The following OR6M1 variants were observed in gnomAD, a reference collection of about 807,000 sequenced individuals.
OR6M1 encodes the protein olfactory receptor 6M1.
For synonymous variants in OR6M1, 167 were observed against 146.3 expected (o/e 1.14, Z -1.02); for missense variants, 364 against 377.8 (o/e 0.96, Z 0.30).
rs779399563 is a variant in OR6M1 at position 123,805,458 on chromosome 11, A to G, written c.892T>C (p.Leu298=). 1.1e-5 allele frequency: 17 copies of G among 1,613,772 alleles called. No homozygotes were observed. The Middle Eastern group carries it at 9.9e-4, about 94-fold the overall frequency. Residue 298 remains leucine (L), a synonymous_variant, in exon 1 of 1, where the codon TTG becomes CTG. Transcript: ENST00000309154. ...SLRNEKVQEV[L]RETVNRIMTL... Reference sequence around the variant, plus strand: ...ATGATTCTGTTCACTGTCTCTCTCAACACTTCCTGTACCTTCTCATTCCTC... The same window carrying G: ...ATGATTCTGTTCACTGTCTCTCTCAGCACTTCCTGTACCTTCTCATTCCTC...
chr11:123,806,021 A>C lies in OR6M1; in HGVS notation c.329T>G (p.Phe110Cys). 4 of 1,614,030 alleles carry C rather than the reference A, an allele frequency of 2.5e-6. No homozygotes were observed. ...YFYFFLGTVE[F>C]ILLAVMSFDR... ...AAAGGACATCACCGCCAAGAGGATA[A>C]ACTCCACCGTCCCCAGAAAGAAGTA... is the stretch of plus-strand genomic sequence containing the variant. Residue 110 changes from phenylalanine to cysteine, a missense_variant, in exon 1 of 1, where the codon TTT (phenylalanine) becomes TGT (cysteine). Phe to Cys is a radical substitution (Grantham distance 205). Coordinates refer to ENST00000309154, the MANE Select transcript of OR6M1 (RefSeq NM_001005325.1).
rs759908522 is a variant in OR6M1, at chr11:123,805,992, G to A, written c.358C>T (p.Arg120Cys). The change falls in exon 1 of 1, where the codon CGC (arginine) becomes TGC (cysteine). Residue 120 changes from arginine to cysteine, a missense_variant. Transcript: ENST00000309154. ...AGTGGGTCGCAGATAGCCATGTAGC[G>A]GTCAAAGGACATCACCGCCAAGAGG... ...FILLAVMSFDRYMAICDPLHY... is the reference protein window; with the variant it reads ...FILLAVMSFDCYMAICDPLHY... 1.9e-5 allele frequency: 31 copies of A among 1,613,770 alleles called. No individual in the cohort carries two copies. The highest frequency in any genetic ancestry group is 5.5e-5 in the South Asian group (5 of 91,050).
At position 123,805,937 on chromosome 11, in the gene OR6M1, G is replaced by A; in HGVS notation, c.413C>T (p.Ala138Val). 6.2e-7 allele frequency: 1 copy of A among 1,613,702 alleles called. No homozygotes were observed. Among genetic ancestry groups the A allele is most frequent in the South Asian group, 1.1e-5 (1 of 91,004 alleles). ...LHYTVIMNSR[A>V]CLLLVLGCWV... The stretch of plus-strand genomic sequence containing the variant: ...GCATCCCAGAACCAGCAGAAGGCAG[G>A]CCCTGCTGTTCATGATGACCGTGTA... The change falls in exon 1 of 1, where the codon GCC (alanine) becomes GTC (valine). Residue 138 changes from alanine (A) to valine (V), a missense_variant. Physicochemically the swap from Ala to Val is moderately conservative, Grantham distance 64. Transcript: ENST00000309154.
chr11:123,806,112 A>G lies in OR6M1; in HGVS notation c.238T>C (p.Leu80=), dbSNP rs1359672940. 2.5e-6 allele frequency: 4 copies of G among 1,614,178 alleles called. No individual in the cohort carries two copies. In the South Asian group the frequency reaches 3.3e-5, roughly 13 times the overall value. Residue 80 remains leucine, a synonymous_variant, in exon 1 of 1, where the codon TTG becomes CTG. Transcript: ENST00000309154. ...TTCTCTTCTCCTAGGAGGCAGGCCAACAACTTTGGGGTAATGACAGTGGTG... is the reference window on the plus strand; with the variant it reads ...TTCTCTTCTCCTAGGAGGCAGGCCAGCAACTTTGGGGTAATGACAGTGGTG... The part of the protein sequence containing the change: ...LYTTVITPKL[L]ACLLGEEKTI...
rs929644473 is a variant in OR6M1 at position 123,806,078 on chromosome 11, G to C, written c.272C>G (p.Ser91Cys). ...ACLLGEEKTI[S>C]FAGCMIQTYF... is the part of the protein sequence containing the mutation. The stretch of plus-strand genomic sequence containing the variant: ...TGTTTGGATCATGCAACCAGCAAAA[G>C]ATATGGTTTTCTCTTCTCCTAGGAG... The change falls in exon 1 of 1, where the codon TCT becomes TGT. Residue 91 changes from serine to cysteine, a missense_variant. Transcript: ENST00000309154. 1 of 1,614,010 alleles carries C rather than the reference G, an allele frequency of 6.2e-7. No homozygotes were observed. The highest frequency in any genetic ancestry group is 1.7e-5 in the Admixed American group (1 of 59,968).
Position 123,806,086 on chromosome 11 carries a change from T to C in OR6M1, c.264A>G (p.Lys88=). Residue 88 remains lysine (K), a synonymous_variant, in exon 1 of 1, where the codon AAA becomes AAG. Coordinates refer to ENST00000309154, the MANE Select transcript of OR6M1 (RefSeq NM_001005325.1). ...KLLACLLGEE[K]TISFAGCMIQ... ...TCATGCAACCAGCAAAAGATATGGT[T>C]TTCTCTTCTCCTAGGAGGCAGGCCA... 2 of 1,614,118 alleles carry C rather than the reference T, an allele frequency of 1.2e-6. No individual in the cohort carries two copies. The highest frequency in any genetic ancestry group is 1.7e-6 in the Non-Finnish European group (2 of 1,180,018).
Position 123,805,528 on chromosome 11 carries a change from G to A in OR6M1, c.822C>T (p.Leu274=), listed in dbSNP as rs369984333. The part of the protein sequence containing the change: ...SLDYDKVAAV[L]ITVVTPLLNP... ...TCAGGAGAGGGGTCACCACTGTGAT[G>A]AGGACAGCGGCCACCTTGTCATAAT... The change falls in exon 1 of 1, where the codon CTC becomes CTT. Residue 274 remains leucine, a synonymous_variant. Coordinates refer to ENST00000309154, the MANE Select transcript of OR6M1 (RefSeq NM_001005325.1). The A allele has an allele frequency of 6.2e-7, 1 of 1,613,974 alleles. No individual in the cohort carries two copies. The highest frequency in any genetic ancestry group is 1.3e-5 in the African/African-American group (1 of 75,018).
Position 123,805,779 on chromosome 11 carries a change from G to C in OR6M1, c.571C>G (p.Leu191Val). Residue 191 changes from leucine (L) to valine (V), a missense_variant, in exon 1 of 1, where the codon CTC becomes GTC. Physicochemically the swap from Leu to Val is conservative, Grantham distance 32. Transcript: ENST00000309154. ...LLQVACINTH[L>V]IEKINFLLSA... ...AGGAGAAAGTTTATCTTCTCAATGAGGTGAGTATTTATACAGGCCACCTGA... is the reference window on the plus strand; with the variant it reads ...AGGAGAAAGTTTATCTTCTCAATGACGTGAGTATTTATACAGGCCACCTGA... 6.2e-7 allele frequency: 1 copy of C among 1,613,914 alleles called. No homozygotes were observed. The highest frequency in any genetic ancestry group is 1.1e-5 in the South Asian group (1 of 91,068).
chr11:123,806,246 A>G lies in OR6M1; in HGVS notation c.104T>C (p.Leu35Ser). 1 of 1,613,952 alleles carries G rather than the reference A, an allele frequency of 6.2e-7. No individual in the cohort carries two copies. The highest frequency in any genetic ancestry group is 8.5e-7 in the Non-Finnish European group (1 of 1,179,872). Residue 35 changes from leucine to serine, a missense_variant, in exon 1 of 1, where the codon TTA (leucine) becomes TCA (serine). Coordinates refer to ENST00000309154, the MANE Select transcript of OR6M1 (RefSeq NM_001005325.1). ...GATGGTGATGTTTCCTGTTGCTGTT[A>G]ATGTGTAAGTTACCACAAGAACCAC... ...LFVVLVVTYTLTATGNITIIS... is the reference protein window; with the variant it reads ...LFVVLVVTYTSTATGNITIIS...
Position 123,806,249 on chromosome 11 carries a change from G to T in OR6M1, c.101C>A (p.Thr34Lys), listed in dbSNP as rs1862389100. The T allele has an allele frequency of 2.5e-6, 4 of 1,613,834 alleles. No individual in the cohort carries two copies. Among genetic ancestry groups the T allele is most frequent in the Non-Finnish European group, 3.4e-6 (4 of 1,179,886 alleles). Residue 34 changes from threonine to lysine, a missense_variant, in exon 1 of 1, where the codon ACA becomes AAA. Transcript: ENST00000309154. ...GGTGATGTTTCCTGTTGCTGTTAAT[G>T]TGTAAGTTACCACAAGAACCACGAA... ...SLFVVLVVTY[T>K]LTATGNITII...
In OR6M1 at chr11:123,806,286, G is replaced by A. The variant is rs150135307; in HGVS notation, c.64C>T (p.Arg22Ter). The A allele has an allele frequency of 7.2e-5, 116 of 1,613,734 alleles. No individual in the cohort carries two copies. The highest frequency in any genetic ancestry group is 2.7e-4 in the Admixed American group (16 of 59,988). ...LIAFPALLEI[R>*]ISLFVVLVVT... Reference sequence around the variant, plus strand: ...ACAAGAACCACGAAGAGAGATATTCGAATCTCCAGGAGAGCTGGGAAGGCA... The same window carrying A: ...ACAAGAACCACGAAGAGAGATATTCAAATCTCCAGGAGAGCTGGGAAGGCA... Residue 22 changes from arginine (R) to a stop codon, truncating the protein, a stop_gained, in exon 1 of 1, where the codon CGA becomes TGA. Transcript: ENST00000309154. LOFTEE classifies it low-confidence loss of function (END_TRUNC).
At position 123,805,956 on chromosome 11, in the gene OR6M1, C is replaced by T; in HGVS notation, c.394G>A (p.Val132Ile). Residue 132 changes from valine (V) to isoleucine (I), a missense_variant, in exon 1 of 1, where the codon GTC becomes ATC. Coordinates refer to ENST00000309154, the MANE Select transcript of OR6M1 (RefSeq NM_001005325.1). ...AGGCAGGCCCTGCTGTTCATGATGA[C>T]CGTGTAGTGCAGTGGGTCGCAGATA... ...MAICDPLHYT[V>I]IMNSRACLLL... 1 of 1,613,678 alleles carries T rather than the reference C, an allele frequency of 6.2e-7. No homozygotes were observed. The highest frequency in any genetic ancestry group is 8.5e-7 in the Non-Finnish European group (1 of 1,179,820).
rs778170262 is a variant in OR6M1, at chr11:123,805,659, G to A, written c.691C>T (p.Arg231Cys). 12 of 1,613,780 alleles carry A rather than the reference G, an allele frequency of 7.4e-6. No homozygotes were observed. Among genetic ancestry groups the A allele is most frequent in the East Asian group, 2.2e-5 (1 of 44,856 alleles). ...GCACAGGTAGAAAAAGCTTTCTGAC[G>A]GCCCTGGGTGGAGGGGATACGCAGG... The part of the protein sequence containing the change: ...TILRIPSTQG[R>C]QKAFSTCASH... The change falls in exon 1 of 1, where the codon CGT (arginine) becomes TGT (cysteine). Residue 231 changes from arginine to cysteine, a missense_variant. Transcript: ENST00000309154.
In OR6M1 at chr11:123,806,071, A is replaced by G. The variant is rs772277175; in HGVS notation, c.279T>C (p.Ala93=). The G allele has an allele frequency of 3.1e-6, 5 of 1,614,158 alleles. No homozygotes were observed. The Admixed American group carries it at 6.7e-5, about 22-fold the overall frequency. Residue 93 remains alanine, a synonymous_variant, in exon 1 of 1, where the codon GCT becomes GCC. Transcript: ENST00000309154. ...AGAAATATGTTTGGATCATGCAACC[A>G]GCAAAAGATATGGTTTTCTCTTCTC... ...LLGEEKTISF[A]GCMIQTYFYF...
rs370972848 is a variant in OR6M1 at position 123,805,941 on chromosome 11, T to C, written c.409A>G (p.Arg137Gly). The change falls in exon 1 of 1, where the codon AGG (arginine) becomes GGG (glycine). Residue 137 changes from arginine to glycine, a missense_variant. Transcript: ENST00000309154. ...CCCAGAACCAGCAGAAGGCAGGCCC[T>C]GCTGTTCATGATGACCGTGTAGTGC... is the stretch of plus-strand genomic sequence containing the variant. Reference protein sequence around the residue: ...PLHYTVIMNSRACLLLVLGCW... With the variant: ...PLHYTVIMNSGACLLLVLGCW... The C allele has an allele frequency of 4.4e-5, 71 of 1,613,590 alleles. No individual in the cohort carries two copies. Among genetic ancestry groups the C allele is most frequent in the Non-Finnish European group, 4.7e-5 (55 of 1,179,842 alleles).
At position 123,806,005 on chromosome 11, in the gene OR6M1, C is replaced by T. The variant is rs991659276; in HGVS notation, c.345G>A (p.Val115=). 3.1e-6 allele frequency: 5 copies of T among 1,613,932 alleles called. No homozygotes were observed. The highest frequency in any genetic ancestry group is 4.2e-6 in the Non-Finnish European group (5 of 1,179,956). ...LGTVEFILLA[V]MSFDRYMAIC... ...TAGCCATGTAGCGGTCAAAGGACATCACCGCCAAGAGGATAAACTCCACCG... is the reference window on the plus strand; with the variant it reads ...TAGCCATGTAGCGGTCAAAGGACATTACCGCCAAGAGGATAAACTCCACCG... The change falls in exon 1 of 1, where the codon GTG becomes GTA. Residue 115 remains valine, a synonymous_variant. Coordinates refer to ENST00000309154, the MANE Select transcript of OR6M1 (RefSeq NM_001005325.1).
chr11:123,806,170 G>T lies in OR6M1; in HGVS notation c.180C>A (p.Phe60Leu). The T allele has an allele frequency of 6.2e-7, 1 of 1,614,094 alleles. No homozygotes were observed. ...TATCCAGAAAGGACAAATTACTGAG[G>T]AAGAAGTACATTGGAGTTTGCAGGC... ...DHRLQTPMYF[F>L]LSNLSFLDIL... is the part of the protein sequence containing the mutation. Residue 60 changes from phenylalanine to leucine, a missense_variant, in exon 1 of 1, where the codon TTC becomes TTA. Coordinates refer to ENST00000309154, the MANE Select transcript of OR6M1 (RefSeq NM_001005325.1).
rs752821198 is a variant in OR6M1, at chr11:123,805,952, A to G, written c.398T>C (p.Ile133Thr). The G allele has an allele frequency of 1.2e-6, 2 of 1,613,794 alleles. No individual in the cohort carries two copies. Among genetic ancestry groups the G allele is most frequent in the Admixed American group, 1.7e-5 (1 of 59,980 alleles). ...AICDPLHYTV[I>T]MNSRACLLLV... ...CAGAAGGCAGGCCCTGCTGTTCATG[A>G]TGACCGTGTAGTGCAGTGGGTCGCA... Residue 133 changes from isoleucine to threonine, a missense_variant, in exon 1 of 1, where the codon ATC becomes ACC. Physicochemically the swap from Ile to Thr is moderately conservative, Grantham distance 89. Coordinates refer to ENST00000309154, the MANE Select transcript of OR6M1 (RefSeq NM_001005325.1).
In OR6M1 at chr11:123,805,945, G is replaced by C. The variant is rs755231084; in HGVS notation, c.405C>G (p.Asn135Lys). Reference sequence around the variant, plus strand: ...GAACCAGCAGAAGGCAGGCCCTGCTGTTCATGATGACCGTGTAGTGCAGTG... The same window carrying C: ...GAACCAGCAGAAGGCAGGCCCTGCTCTTCATGATGACCGTGTAGTGCAGTG... The part of the protein sequence containing the change: ...CDPLHYTVIM[N>K]SRACLLLVLG... The change falls in exon 1 of 1, where the codon AAC becomes AAG. Residue 135 changes from asparagine (N) to lysine (K), a missense_variant. Transcript: ENST00000309154. The C allele has an allele frequency of 9.3e-6, 15 of 1,613,648 alleles. No individual in the cohort carries two copies. The highest frequency in any genetic ancestry group is 6.7e-5 in the East Asian group (3 of 44,862).
Sources: allele counts gnomAD v4.1 joint callset, GRCh38; gene constraint gnomAD v4.1.1; transcripts MANE v1.5; gene names NCBI Gene and HGNC (gene_info 2026-07-23, HGNC 2026-07-21).